The following NBAS variants were observed in gnomAD, a reference collection of about 807,000 sequenced individuals.
NBAS encodes NBAS subunit of NRZ tethering complex.
A neutral mutation model predicts 302.5 loss-of-function variants in NBAS; 219 were observed. The observed-to-expected ratio is 0.72, with a 90% confidence interval of 0.65 to 0.81. The LOEUF is 0.81. NBAS is among the 30% of genes least tolerant of loss of function. The probability of loss-of-function intolerance (pLI) is 0.00; values close to 1 mark genes in which losing one functional copy is unlikely to be tolerated. For synonymous variants in NBAS, 1,118 were observed against 1,021.6 expected, an observed-to-expected ratio of 1.09 and a Z score of -1.80; for missense variants, 2,932 against 2,841.6, an observed-to-expected ratio of 1.03 and a Z score of -0.72.
intron 38 of NBAS, among the ~76,000 whole-genome samples, chr2:15,315,980 A>C (rs188120023): frequency 1.1e-4 from 16 of 152,340 alleles, no homozygotes; most frequent in African/African-American, 3.6e-4. Context: ...TGGAATCCAC[A>C]AACCATATGA....
intron 3 of NBAS, among the ~76,000 whole-genome samples, chr2:15,554,434 C>A (rs1490288414): frequency 6.6e-6 from 1 of 151,612 alleles, no homozygotes; most frequent in African/African-American, 2.4e-5. Flanking sequence ...TTATACCAAC[C>A]CTTTCTGCTC....
At chr2:15,013,458 T>C in the NBAS span, among the ~76,000 whole-genome samples, 1 of 152,102 alleles carries the variant, frequency 6.6e-6, no homozygotes, top group African/African-American at 2.4e-5. Context: ...ATAATAACTT[T>C]GAATGTAAAA....
At chr2:15,318,113 A>G (rs1164845810) in intron 38 of NBAS, among the ~76,000 whole-genome samples, 1 of 152,230 alleles carries the variant, frequency 6.6e-6, no homozygotes, top group East Asian at 1.9e-4. Context: ...CAAAGAAAAG[A>G]ATTTTCAACC....
intron 48 of NBAS, among the ~76,000 whole-genome samples, chr2:15,209,225 G>T (rs1223587206): frequency 6.6e-6 from 1 of 152,016 alleles, no homozygotes; most frequent in Non-Finnish European, 1.5e-5. Flanking sequence ...CTAGACACAT[G>T]CAACCTACCA....
chr2:15,420,388 T>C (rs1008406516), intron 23 of NBAS, among the ~76,000 whole-genome samples: 8 of 152,060 alleles, frequency 5.3e-5, no homozygotes, highest in Non-Finnish European at 1.2e-4. Context: ...CGCCAGGCTC[T>C]GGGGAAATGA....
chr2:15,277,011 CATGTGCTGGTG>C lies in NBAS; in HGVS notation c.5218_5228del (p.His1740GlyfsTer12), dbSNP rs1373318029. The C allele has an allele frequency of 6.2e-7, 1 of 1,613,820 alleles. No individual in the cohort carries two copies. Among genetic ancestry groups the C allele is most frequent in the African/African-American group, 1.3e-5 (1 of 74,894 alleles). The stretch of plus-strand genomic sequence containing the variant: ...CAATAGTAGGGTAAATATACTTGAC[CATGTGCTGGTG>C]AAAGGCTTCTGGATCAGTCTTCAAA... On this transcript the variant is annotated frameshift_variant, in exon 43 of 52. Transcript: ENST00000281513. LOFTEE classifies it high-confidence loss of function.
chr2:14,872,205 T>C, the NBAS span, among the ~76,000 whole-genome samples: 2 of 152,324 alleles, frequency 1.3e-5, no homozygotes, highest in South Asian at 4.1e-4. Flanking sequence ...TCTAAATATT[T>C]ATGTATAACA....
intron 33 of NBAS, 29 bp from the exon 34 acceptor site, chr2:15,353,739 T>C: frequency 6.2e-7 from 1 of 1,613,632 alleles, no homozygotes; most frequent in Non-Finnish European, 8.5e-7. Flanking sequence ...AAAAAATGAT[T>C]CCCAAAAGAA....
chr2:14,800,977 A>G, the NBAS span, among the ~76,000 whole-genome samples: 3 of 151,956 alleles, frequency 2.0e-5, no homozygotes, highest in African/African-American at 2.4e-5. Flanking sequence ...TAGGAAAAGT[A>G]TTGATTTTCC....
chr2:15,287,747 ATAAACATCCTGAGCACCCCATGTAGGCAT>A (rs1670114585), intron 41 of NBAS, among the ~76,000 whole-genome samples: 1 of 151,756 alleles, frequency 6.6e-6, no homozygotes, highest in South Asian at 2.1e-4. Flanking sequence ...GCATCCCCGC[ATAAACATCCTGAGCACCCCATGTAGGCAT>A]CCCCGCATAA....
At chr2:15,269,219 G>C (rs564164557) in intron 44 of NBAS, among the ~76,000 whole-genome samples, 71 of 152,280 alleles carry the variant, frequency 4.7e-4, no homozygotes, top group African/African-American at 1.5e-3. Context: ...GAGTGACCAC[G>C]GGCAGGGATA....
At chr2:15,369,815 A>G (rs1674396698) in intron 31 of NBAS, among the ~76,000 whole-genome samples, 1 of 152,178 alleles carries the variant, frequency 6.6e-6, no homozygotes, top group African/African-American at 2.4e-5. Flanking sequence ...AAACACACGT[A>G]TACACACACA....
chr2:14,900,723 G>T, the NBAS span, among the ~76,000 whole-genome samples: 1 of 152,188 alleles, frequency 6.6e-6, no homozygotes, highest in Non-Finnish European at 1.5e-5. Context: ...AAGAGAAGGA[G>T]AGAAAGAAAT....
intron 11 of NBAS, among the ~76,000 whole-genome samples, chr2:15,492,719 C>T (rs1680913222): frequency 6.6e-6 from 1 of 152,102 alleles, no homozygotes; most frequent in African/African-American, 2.4e-5. Flanking sequence ...CCTCGGCCTC[C>T]CAAAGTGTTG....
chr2:15,265,806 T>G lies in NBAS; in HGVS notation c.5724+9678A>C, dbSNP rs147381305. Among the ~76,000 whole-genome samples, 817 of 152,164 alleles carry G rather than the reference T, an allele frequency of 5.4e-3. 4 individuals carry two copies. The highest frequency in any genetic ancestry group is 0.017 in the African/African-American group (703 of 41,500). ...GTTTTAATCAACATGGAAATCTGCA[T>G]AAAGATAAAAGCAGGCACCAGGCAA... On this transcript the variant is annotated intron_variant, in intron 44 of 51. Coordinates refer to ENST00000281513, the MANE Select transcript of NBAS (RefSeq NM_015909.4).
intron 50 of NBAS, among the ~76,000 whole-genome samples, chr2:15,183,698 C>T (rs1383799595): frequency 2.6e-5 from 4 of 151,834 alleles, no homozygotes; most frequent in African/African-American, 4.9e-5. Flanking sequence ...AGTACAGCTT[C>T]GAGCATTACT....
At chr2:14,947,160 C>G in the NBAS span, among the ~76,000 whole-genome samples, 2 of 151,704 alleles carry the variant, frequency 1.3e-5, no homozygotes, top group African/African-American at 4.8e-5. Flanking sequence ...GAAACAAATA[C>G]AAAGATCGGA....
At chr2:15,317,351 G>C (rs1479546301) in intron 38 of NBAS, among the ~76,000 whole-genome samples, 2 of 152,178 alleles carry the variant, frequency 1.3e-5, no homozygotes, top group African/African-American at 2.4e-5. Context: ...TCCTCCAATG[G>C]ATCACAGCTC....
intron 17 of NBAS, 34 bp from the exon 18 acceptor site, chr2:15,467,838 A>C: frequency 2.6e-6 from 4 of 1,516,848 alleles, no homozygotes; most frequent in Non-Finnish European, 3.6e-6. Context: ...TATTTTCATC[A>C]TTTTTAAAAA....
Sources: allele counts gnomAD v4.1 joint callset (sites outside exome capture counted in the v4.1 genomes callset), GRCh38; gene constraint gnomAD v4.1.1; transcripts MANE v1.5; gene names NCBI Gene and HGNC (gene_info 2026-07-23, HGNC 2026-07-21).